Variants in BCL2L12 observed in about 807,000 individuals in gnomAD.
BCL2L12 encodes BCL2 like 12.
BCL2L12 carries 27 observed loss-of-function variants against 25.7 expected under a neutral mutation model. The ratio of observed to expected loss-of-function variants is 1.05; its 90% CI spans 0.78 to 1.45. BCL2L12 has a LOEUF of 1.45. Ranked by LOEUF, BCL2L12 falls within the 40% of genes most tolerant of loss-of-function variation. BCL2L12 has a pLI of 0.00. For missense variants in BCL2L12, 302 were observed against 329.8 expected (o/e 0.92, Z 0.65); for synonymous variants, 132 against 145.6 (o/e 0.91, Z 0.67).
rs754516297 is a variant in BCL2L12, at chr19:49,666,845, C to T, written c.107+46C>T. 7.2e-6 allele frequency: 11 copies of T among 1,530,978 alleles called. No homozygotes were observed. In the Admixed American group the frequency reaches 1.2e-4, roughly 17 times the overall value. The allele number at this position is 1,530,978 out of a possible 1,614,324, so 94.8% of individuals were successfully genotyped here. On this transcript the variant is annotated intron_variant, in intron 2 of 6. Transcript: ENST00000246784. ...CCCCCAGGGGCCAGCATTTGAGGCT[C>T]CCTCCTAACTCTTGCTCCTGGTCTC...
In BCL2L12 at chr19:49,665,944, T is replaced by G. The variant is rs775985642; in HGVS notation, c.-132T>G. 5.0e-6 allele frequency: 8 copies of G among 1,613,746 alleles called. No homozygotes were observed. In the South Asian group the frequency reaches 8.8e-5, roughly 18 times the overall value. On this transcript the variant is annotated 5_prime_UTR_variant, in exon 1 of 7. Coordinates refer to ENST00000246784, the MANE Select transcript of BCL2L12 (RefSeq NM_138639.2). ...ACCCAGCGTTCCGCCCTTTCTACGC[T>G]GGGCCGGTTATCGACCCGGCCCAGT...
intron 3 of BCL2L12, among the ~76,000 whole-genome samples, chr19:49,668,618 C>T (rs1335838964): frequency 6.6e-6 from 1 of 151,950 alleles, no homozygotes; most frequent in African/African-American, 2.4e-5. Context: ...GGTGAAACCC[C>T]ATTTCTACTA....
chr19:49,668,302 T>C (rs1422870917), intron 3 of BCL2L12, among the ~76,000 whole-genome samples: 2 of 151,662 alleles, frequency 1.3e-5, no homozygotes, highest in Non-Finnish European at 2.9e-5. Context: ...TTTCTCCATG[T>C]TGGTCAGGCT....
intron 6 of BCL2L12, 118 bp from the exon 7 acceptor site, chr19:49,673,580 C>A (rs1045898955): frequency 1.2e-6 from 1 of 845,300 alleles, no homozygotes; most frequent in Non-Finnish European, 2.0e-6. Context: ...GTGTCTGTCA[C>A]CCTCCGCTCT....
intron 6 of BCL2L12, 60 bp downstream of exon 6, chr19:49,670,548 G>A: frequency 6.6e-7 from 1 of 1,511,280 alleles, no homozygotes; most frequent in Non-Finnish European, 8.8e-7. Flanking sequence ...TGTGATAGAG[G>A]AGGGGCGGGG....
rs2081934678 is a variant in BCL2L12, at chr19:49,670,376, C to T, written c.590C>T (p.Ala197Val). 1 of 1,578,830 alleles carries T rather than the reference C, an allele frequency of 6.3e-7. No individual in the cohort carries two copies. ...TCCCCGGAGCCCCTGGCCCGCCTGG[C>T]CCTAGCCATGGAGCTGAGCCGGCGC... ...PPSPEPLARL[A>V]LAMELSRRVA... The change falls in exon 6 of 7, where the codon GCC becomes GTC. Residue 197 changes from alanine to valine, a missense_variant. Physicochemically the swap from Ala to Val is moderately conservative, Grantham distance 64 (BLOSUM62 0). Transcript: ENST00000246784.
At chr19:49,665,635 G>A (rs1444955444), upstream of BCL2L12, 2 of 699,014 alleles carry the variant, frequency 2.9e-6, no homozygotes, top group Admixed American at 3.0e-5. Context: ...CGTTACCTAC[G>A]ATGGAAGGTC....
chr19:49,666,723 G>C lies in BCL2L12; in HGVS notation c.31G>C (p.Glu11Gln). 6.4e-7 allele frequency: 1 copy of C among 1,556,280 alleles called. No individual in the cohort carries two copies. The change falls in exon 2 of 7, where the codon GAA becomes CAA. Residue 11 changes from glutamate (E) to glutamine (Q), a missense_variant. Coordinates refer to ENST00000246784, the MANE Select transcript of BCL2L12 (RefSeq NM_138639.2). Reference sequence around the variant, plus strand: ...AGGCTCTGAAGAGCTGGGGCTCCGGGAAGACACGCTGAGGGTCCTAGCTGC... The same window carrying C: ...AGGCTCTGAAGAGCTGGGGCTCCGGCAAGACACGCTGAGGGTCCTAGCTGC... Reference protein sequence around the residue: MAGSEELGLREDTLRVLAAFL... With the variant: MAGSEELGLRQDTLRVLAAFL...
At position 49,672,341 on chromosome 19, in the gene BCL2L12, CCAGTAGGGCTA is replaced by C. The variant is rs2081977075; in HGVS notation, c.703-1348_703-1338del. Reference sequence around the variant, plus strand: ...TGTTTGAGGAGCAGGGAGGAGGAGGCCAGTAGGGCTACAGTAGGGTGAGCGGGCGACAGATG... The same window carrying C: ...TGTTTGAGGAGCAGGGAGGAGGAGGCCAGTAGGGTGAGCGGGCGACAGATG... On this transcript the variant is annotated intron_variant, in intron 6 of 6. Transcript: ENST00000246784. The surrounding 1 kb of genome is among the most constrained non-coding windows in gnomAD (Gnocchi z 4.1). The C allele has an allele frequency of 6.5e-6, 1 of 153,262 alleles. No individual in the cohort carries two copies. The highest frequency in any genetic ancestry group is 2.4e-5 in the African/African-American group (1 of 41,432). 9.5% of individuals were successfully genotyped at this position (153,262 alleles called of 1,614,324 possible). A position where few individuals can be genotyped will look rare whatever the true frequency, so the allele number is the denominator to read the frequency against.
At chr19:49,666,976 G>A in intron 2 of BCL2L12, 43 bp from the exon 3 acceptor site, 1 of 1,600,444 alleles carries the variant, frequency 6.2e-7, no homozygotes, top group East Asian at 2.3e-5. Flanking sequence ...ACTGCTTGCA[G>A]GGGATCTCTG....
upstream of BCL2L12, chr19:49,665,188 T>C (rs902130290): frequency 7.4e-6 from 2 of 271,028 alleles, no homozygotes; most frequent in African/African-American, 4.5e-5. Context: ...TCCCTAGTTA[T>C]TTCAGTGCAG....
intron 2 of BCL2L12, 81 bp downstream of exon 2, chr19:49,666,880 C>T (rs2081796978): frequency 1.3e-6 from 2 of 1,516,976 alleles, no homozygotes. Context: ...CAGTCTGTCT[C>T]CTCTCTTTAT....
At chr19:49,666,463 C>T (rs1036900129) in intron 1 of BCL2L12, among the ~76,000 whole-genome samples, 2 of 152,184 alleles carry the variant, frequency 1.3e-5, no homozygotes, top group African/African-American at 4.8e-5. Flanking sequence ...ACCCACGAAT[C>T]TGGGCACCCA....
intron 6 of BCL2L12, 54 bp from the exon 7 acceptor site, chr19:49,673,644 G>C: frequency 2.1e-6 from 3 of 1,450,670 alleles, no homozygotes; most frequent in Non-Finnish European, 2.9e-6. Flanking sequence ...GGACGCTGCT[G>C]TATGGGGGGA....
At position 49,670,322 on chromosome 19, in the gene BCL2L12, G is replaced by A; in HGVS notation, c.536G>A (p.Ser179Asn). 6.2e-7 allele frequency: 1 copy of A among 1,605,826 alleles called. No individual in the cohort carries two copies. Among genetic ancestry groups the A allele is most frequent in the Non-Finnish European group, 8.5e-7 (1 of 1,177,342 alleles). The change falls in exon 6 of 7, where the codon AGC (serine) becomes AAC (asparagine). Residue 179 changes from serine (S) to asparagine (N), a missense_variant. Coordinates refer to ENST00000246784, the MANE Select transcript of BCL2L12 (RefSeq NM_138639.2). ...AGCCGGGATGACAGCTCTCGCCCAA[G>A]CCGAGCATGCCCCGGGCCCCCGCCT... is the stretch of plus-strand genomic sequence containing the variant. ...FCSRDDSSRP[S>N]RACPGPPPPS...
chr19:49,668,933 C>T lies in BCL2L12; in HGVS notation c.333C>T (p.Ser111=), dbSNP rs763749101. The change falls in exon 4 of 7, where the codon AGC becomes AGT. Residue 111 remains serine (S), a synonymous_variant. Transcript: ENST00000246784. ...LVQEQLKSPP[S]PELQGPPSTE... ...AAGAGCAGCTGAAATCTCCGCCCAGCCCAGGTGAGGCACAGAGGAGCCCCA... is the reference window on the plus strand; with the variant it reads ...AAGAGCAGCTGAAATCTCCGCCCAGTCCAGGTGAGGCACAGAGGAGCCCCA... 2.5e-6 allele frequency: 4 copies of T among 1,613,938 alleles called. No individual in the cohort carries two copies. The East Asian group carries it at 6.7e-5, about 27-fold the overall frequency.
chr19:49,665,197 A>G (rs1207297989), upstream of BCL2L12: 1 of 256,124 alleles, frequency 3.9e-6, no homozygotes, highest in Non-Finnish European at 7.7e-6. Context: ...ATTTCAGTGC[A>G]GAATCGATTC....
At chr19:49,665,549 C>T, upstream of BCL2L12, 1 of 411,042 alleles carries the variant, frequency 2.4e-6, no homozygotes, top group Middle Eastern at 6.8e-4. Context: ...GCCTGCCTTT[C>T]CACTCTCCGT....
rs1433187182 is a variant in BCL2L12 at position 49,670,174 on chromosome 19, G to A, written c.430-42G>A. On this transcript the variant is annotated intron_variant, in intron 5 of 6. Coordinates refer to ENST00000246784, the MANE Select transcript of BCL2L12 (RefSeq NM_138639.2). ...TCCCGGCCCTCTATTGGCTGGCCCC[G>A]GGGGCGCTGCTGACGCGGACCCTGC... The A allele has an allele frequency of 7.0e-6, 11 of 1,581,408 alleles. No homozygotes were observed. The East Asian group carries it at 9.1e-5, about 13-fold the overall frequency.
Sources: gnomAD v4.1 joint callset for allele counts (sites outside exome capture counted in the v4.1 genomes callset) on GRCh38, gnomAD v4.1.1 for gene constraint, Gnocchi (gnomAD v3.1) non-coding constraint, MANE v1.5 for transcripts, NCBI Gene and HGNC (gene_info 2026-07-23, HGNC 2026-07-21) for gene names.